The following ARHGAP20 variants were observed in gnomAD, a reference collection of about 807,000 sequenced individuals.
The protein encoded by ARHGAP20 is rho GTPase-activating protein 20.
A neutral mutation model predicts 73.7 loss-of-function variants in ARHGAP20; 34 were observed. The ratio of observed to expected loss-of-function variants is 0.46; its 90% CI spans 0.35 to 0.61. ARHGAP20 has a LOEUF of 0.61. Ranked by LOEUF, ARHGAP20 falls within the 20% of genes least tolerant of loss-of-function variation. The pLI is 0.00. For missense variants in ARHGAP20, 1,314 were observed against 1,420.9 expected, an observed-to-expected ratio of 0.92 and a Z score of 1.21; for synonymous variants, 523 against 518.2, an observed-to-expected ratio of 1.01 and a Z score of -0.13.
intron 1 of ARHGAP20, among the ~76,000 whole-genome samples, chr11:110,710,946 A>G (rs1235655468): frequency 2.0e-5 from 3 of 150,862 alleles, no homozygotes; most frequent in African/African-American, 7.3e-5. Flanking sequence ...AAAAGCTAGA[A>G]GATGCCTCTA....
intron 2 of ARHGAP20, among the ~76,000 whole-genome samples, chr11:110,636,290 G>A (rs1401856248): frequency 6.6e-6 from 1 of 152,038 alleles, no homozygotes; most frequent in African/African-American, 2.4e-5. Flanking sequence ...AACCTGTCTG[G>A]GTCATGGTTT....
intron 7 of ARHGAP20, 59 bp downstream of exon 7, chr11:110,611,250 C>T: frequency 8.6e-7 from 1 of 1,158,620 alleles, no homozygotes. Flanking sequence ...AAAATACTTA[C>T]ATAAATTTAA....
intron 2 of ARHGAP20, among the ~76,000 whole-genome samples, chr11:110,638,181 G>C (rs1019883250): frequency 6.6e-6 from 1 of 151,908 alleles, no homozygotes; most frequent in Admixed American, 6.6e-5. Flanking sequence ...TTGGCCTCAA[G>C]TATACAAATT....
intron 11 of ARHGAP20, chr11:110,589,356 A>C (rs1947762067): frequency 5.1e-6 from 5 of 972,686 alleles, no homozygotes; most frequent in Non-Finnish European, 6.1e-6. Context: ...TTAAGAGCAG[A>C]TATGGCTTAT....
At chr11:110,666,668 A>G (rs949025740) in intron 2 of ARHGAP20, among the ~76,000 whole-genome samples, 2 of 152,214 alleles carry the variant, frequency 1.3e-5, no homozygotes, top group Non-Finnish European at 2.9e-5. Context: ...TTTTTCCAAC[A>G]GCATATGATC....
chr11:110,614,491 T>A (rs896609400), intron 6 of ARHGAP20, 70 bp downstream of exon 6: 1 of 1,410,864 alleles, frequency 7.1e-7, no homozygotes, highest in Non-Finnish European at 9.9e-7. Flanking sequence ...CTGCTCTCTC[T>A]CTTCTTATCC....
At chr11:110,697,471 T>G (rs767061593) in intron 1 of ARHGAP20, among the ~76,000 whole-genome samples, 26 of 151,886 alleles carry the variant, frequency 1.7e-4, no homozygotes, top group Non-Finnish European at 3.2e-4. Flanking sequence ...AAGTTCTGGA[T>G]ACTAGTCCTT....
chr11:110,597,135 CG>C (rs1329576712), intron 9 of ARHGAP20, among the ~76,000 whole-genome samples: 9 of 75,974 alleles, frequency 1.2e-4, no homozygotes, highest in Non-Finnish European at 1.8e-4. Context: ...CACCGGGGAC[CG>C]TTGTGGGGTG....
rs1565418235 is a variant in ARHGAP20 at position 110,580,872 on chromosome 11, T to G, written c.2074A>C (p.Asn692His). 2.5e-6 allele frequency: 4 copies of G among 1,612,638 alleles called. No homozygotes were observed. The highest frequency in any genetic ancestry group is 4.5e-5 in the East Asian group (2 of 44,836). Residue 692 changes from asparagine to histidine, a missense_variant, in exon 15 of 15, where the codon AAT (asparagine) becomes CAT (histidine). Coordinates refer to ENST00000683387, the MANE Select transcript of ARHGAP20 (RefSeq NM_001384657.1). ...TPSYLSTAAA[N>H]AAKSLRRHRR... ...TGTCGCCTCAGGCTTTTTGCAGCAT[T>G]TGCTGCAGCTGTGGACAGGTAGCTG...
At chr11:110,683,235 A>C (rs1175075387) in intron 2 of ARHGAP20, among the ~76,000 whole-genome samples, 2 of 152,154 alleles carry the variant, frequency 1.3e-5, no homozygotes, top group Non-Finnish European at 2.9e-5. Context: ...ATAAACAATG[A>C]AGAAATACCA....
At chr11:110,649,705 G>A (rs1219208808) in intron 2 of ARHGAP20, among the ~76,000 whole-genome samples, 2 of 152,098 alleles carry the variant, frequency 1.3e-5, no homozygotes, top group African/African-American at 2.4e-5. Flanking sequence ...AAAGATGTGT[G>A]ATATGCTAAA....
At chr11:110,636,239 C>T (rs1459160864) in intron 2 of ARHGAP20, among the ~76,000 whole-genome samples, 1 of 152,040 alleles carries the variant, frequency 6.6e-6, no homozygotes, top group African/African-American at 2.4e-5. Flanking sequence ...CATAAATGAA[C>T]AGGTGTGGCT....
chr11:110,646,343 A>G (rs948794724), intron 2 of ARHGAP20, among the ~76,000 whole-genome samples: 2 of 152,148 alleles, frequency 1.3e-5, no homozygotes, highest in Non-Finnish European at 2.9e-5. Flanking sequence ...TTTGAAAGGA[A>G]ACTTTTAACT....
intron 1 of ARHGAP20, among the ~76,000 whole-genome samples, chr11:110,709,441 A>T (rs962040716): frequency 2.6e-5 from 4 of 151,414 alleles, no homozygotes. Flanking sequence ...AGATGTGGGT[A>T]ACAGATAACA....
intron 2 of ARHGAP20, among the ~76,000 whole-genome samples, chr11:110,648,156 TATATATATATATGTAA>T (rs1949239867): frequency 1.1e-5 from 1 of 89,184 alleles, no homozygotes; most frequent in Non-Finnish European, 2.4e-5. Context: ...ATATATATAA[TATATATATATATGTAA>T]ATATATATAT....
At chr11:110,680,114 CATT>C in intron 2 of ARHGAP20, among the ~76,000 whole-genome samples, 1 of 152,182 alleles carries the variant, frequency 6.6e-6, no homozygotes, top group African/African-American at 2.4e-5. Context: ...TTTAATGAAA[CATT>C]ATATAACAGT....
At chr11:110,650,611 G>A (rs1445925004) in intron 2 of ARHGAP20, among the ~76,000 whole-genome samples, 4 of 151,936 alleles carry the variant, frequency 2.6e-5, no homozygotes, top group Admixed American at 2.6e-4. Context: ...CTCTATTGCT[G>A]GAATTATTTT....
intron 5 of ARHGAP20, among the ~76,000 whole-genome samples, chr11:110,614,902 G>A (rs1948450593): frequency 6.6e-6 from 1 of 152,176 alleles, no homozygotes; most frequent in South Asian, 2.1e-4. Context: ...GCACAATCAG[G>A]TTAGGGCACC....
chr11:110,599,498 G>C (rs548223559), intron 9 of ARHGAP20, among the ~76,000 whole-genome samples: 1 of 152,170 alleles, frequency 6.6e-6, no homozygotes, highest in Non-Finnish European at 1.5e-5. Flanking sequence ...TAGCCTGGGC[G>C]CCATGAACAG....
Sources: gnomAD v4.1 joint callset for allele counts (sites outside exome capture counted in the v4.1 genomes callset) on GRCh38, gnomAD v4.1.1 for gene constraint, MANE v1.5 for transcripts, NCBI Gene and HGNC (gene_info 2026-07-23, HGNC 2026-07-21) for gene names.